Variants in SULT1E1 observed in about 807,000 individuals in gnomAD.
The protein encoded by SULT1E1 is sulfotransferase family 1E member 1, also known as sulfotransferase 1E1.
Under a neutral mutation model 33.6 loss-of-function variants are expected in SULT1E1, and 36 were observed. The ratio of observed to expected loss-of-function variants is 1.07; its 90% CI spans 0.82 to 1.41. SULT1E1 has a LOEUF of 1.41. SULT1E1 is among the 40% of genes most tolerant of loss of function. SULT1E1 has a pLI of 0.00. For synonymous variants in SULT1E1, 121 were observed against 111.7 expected, an observed-to-expected ratio of 1.08 and a Z score of -0.53; for missense variants, 371 against 345.7, an observed-to-expected ratio of 1.07 and a Z score of -0.58.
chr4:69,851,358 C>A (rs1170103482), intron 4 of SULT1E1, among the ~76,000 whole-genome samples: 2 of 152,070 alleles, frequency 1.3e-5, no homozygotes, highest in Non-Finnish European at 1.5e-5. Context: ...ATGCAGCCAA[C>A]AGACACATGA....
chr4:69,829,001 G>C, the SULT1E1 span, among the ~76,000 whole-genome samples: 1 of 152,112 alleles, frequency 6.6e-6, no homozygotes, highest in African/African-American at 2.4e-5. Flanking sequence ...AATCCCTGTG[G>C]GAGTCTTGTC....
At chr4:69,822,862 C>A in the SULT1E1 span, among the ~76,000 whole-genome samples, 3 of 150,852 alleles carry the variant, frequency 2.0e-5, no homozygotes, top group African/African-American at 7.3e-5. Context: ...ATGTATTGCA[C>A]AAATAAAGAA....
chr4:69,826,171 G>C, the SULT1E1 span, among the ~76,000 whole-genome samples: 14 of 152,178 alleles, frequency 9.2e-5, no homozygotes, highest in African/African-American at 3.4e-4. Context: ...TCCAACCCTG[G>C]AGATTCCTTC....
chr4:69,851,322 C>T (rs1353782871), intron 4 of SULT1E1, among the ~76,000 whole-genome samples: 6 of 152,080 alleles, frequency 3.9e-5, no homozygotes, highest in South Asian at 2.1e-4. Flanking sequence ...AGGATATGAA[C>T]AGACACTTCT....
chr4:69,822,499 T>G, the SULT1E1 span, among the ~76,000 whole-genome samples: 1 of 152,254 alleles, frequency 6.6e-6, no homozygotes, highest in Middle Eastern at 3.4e-3. Flanking sequence ...TCCCAGCTAC[T>G]CGGGAGACTG....
downstream of SULT1E1, among the ~76,000 whole-genome samples, chr4:69,840,748 G>C (rs1037254933): frequency 5.9e-5 from 9 of 152,134 alleles, no homozygotes; most frequent in Non-Finnish European, 1.2e-4. Context: ...TCATTTTGTT[G>C]AAAGTAAAAG....
chr4:69,855,367 A>T lies in SULT1E1; in HGVS notation c.205T>A (p.Cys69Ser). 1 of 1,613,274 alleles carries T rather than the reference A, an allele frequency of 6.2e-7. No individual in the cohort carries two copies. The highest frequency in any genetic ancestry group is 1.3e-5 in the African/African-American group (1 of 75,016). Residue 69 changes from cysteine (C) to serine (S), a missense_variant, in exon 3 of 8, where the codon TGC (cysteine) becomes AGC (serine). By Grantham distance (112) the Cys-to-Ser change is moderately radical (BLOSUM62 -1). Transcript: ENST00000226444. The part of the protein sequence containing the change: ...MIYKEGDVEK[C>S]KEDVIFNRIP... Reference sequence around the variant, plus strand: ...CGATTAAAAATTACATCTTCTTTGCACTTTTCCACATCACCCTCTTTATAG... The same window carrying T: ...CGATTAAAAATTACATCTTCTTTGCTCTTTTCCACATCACCCTCTTTATAG...
intron 4 of SULT1E1, 138 bp from the exon 5 acceptor site, chr4:69,849,701 A>G (rs1721063444): frequency 1.4e-6 from 1 of 729,764 alleles, no homozygotes; most frequent in African/African-American, 1.8e-5. Flanking sequence ...AGACATGTAC[A>G]ATTATTTATA....
the SULT1E1 span, among the ~76,000 whole-genome samples, chr4:69,825,763 C>T: frequency 5.3e-5 from 8 of 150,994 alleles, no homozygotes; most frequent in African/African-American, 7.3e-5. Flanking sequence ...AAAGTCATGT[C>T]GCCTAAGTGA....
At chr4:69,822,833 G>C in the SULT1E1 span, among the ~76,000 whole-genome samples, 1 of 152,040 alleles carries the variant, frequency 6.6e-6, no homozygotes. Context: ...TGCTGTACAT[G>C]GGAGATGTTT....
At chr4:69,845,762 G>C (rs919487635) in intron 6 of SULT1E1, among the ~76,000 whole-genome samples, 5 of 151,392 alleles carry the variant, frequency 3.3e-5, no homozygotes, top group Non-Finnish European at 5.9e-5. Context: ...AATGGAGGAA[G>C]AGAGTTGGAG....
At position 69,854,300 on chromosome 4, in the gene SULT1E1, C is replaced by A; in HGVS notation, c.286G>T (p.Asp96Tyr). 3.1e-6 allele frequency: 5 copies of A among 1,606,306 alleles called. No homozygotes were observed. Among genetic ancestry groups the A allele is most frequent in the Non-Finnish European group, 4.3e-6 (5 of 1,175,446 alleles). ...ENLMNGVKQLDEMNSPRIVKT... is the reference protein window; with the variant it reads ...ENLMNGVKQLYEMNSPRIVKT... Reference sequence around the variant, plus strand: ...ACAATTCTAGGAGAATTCATCTCATCTAATTGTTTTACTCCTGATTTTTAA... The same window carrying A: ...ACAATTCTAGGAGAATTCATCTCATATAATTGTTTTACTCCTGATTTTTAA... Residue 96 changes from aspartate (D) to tyrosine (Y), a missense_variant, in exon 4 of 8, where the codon GAT (aspartate) becomes TAT (tyrosine). Coordinates refer to ENST00000226444, the MANE Select transcript of SULT1E1 (RefSeq NM_005420.3).
chr4:69,830,019 G>A, the SULT1E1 span, among the ~76,000 whole-genome samples: 2 of 152,140 alleles, frequency 1.3e-5, no homozygotes, highest in African/African-American at 2.4e-5. Context: ...CTTCCCATAC[G>A]ATGGCCCAGA....
the SULT1E1 span, among the ~76,000 whole-genome samples, chr4:69,828,581 A>T: frequency 6.6e-6 from 1 of 152,212 alleles, no homozygotes; most frequent in Non-Finnish European, 1.5e-5. Flanking sequence ...GAACTGTAAC[A>T]GTCACTGCAA....
At chr4:69,827,702 G>A in the SULT1E1 span, among the ~76,000 whole-genome samples, 21 of 152,086 alleles carry the variant, frequency 1.4e-4, no homozygotes, top group African/African-American at 2.4e-4. Flanking sequence ...TGGCAACCTC[G>A]GTGTTCTATA....
chr4:69,858,557 C>T (rs1721299792), intron 1 of SULT1E1, among the ~76,000 whole-genome samples: 1 of 152,068 alleles, frequency 6.6e-6, no homozygotes, highest in African/African-American at 2.4e-5. Flanking sequence ...ATTAGCCTTT[C>T]TAGATCTTCC....
At position 69,842,013 on chromosome 4, in the gene SULT1E1, T is replaced by G. The variant is rs1457203016; in HGVS notation, c.866A>C (p.Lys289Thr). Reference protein sequence around the residue: ...YEQQMKESTLKFRTEI With the variant: ...YEQQMKESTLTFRTEI ...ACCTTCTTAGATCTCAGTTCGAAAC[T>G]TCAGTGTAGATTCCTTCATTTGCTG... is the stretch of plus-strand genomic sequence containing the variant. Residue 289 changes from lysine (K) to threonine (T), a missense_variant, in exon 8 of 8, where the codon AAG becomes ACG. Lys to Thr is a moderately conservative substitution (Grantham distance 78). Coordinates refer to ENST00000226444, the MANE Select transcript of SULT1E1 (RefSeq NM_005420.3). 4.4e-6 allele frequency: 7 copies of G among 1,606,122 alleles called. No homozygotes were observed. Among genetic ancestry groups the G allele is most frequent in the Middle Eastern group, 1.7e-4 (1 of 6,044 alleles).
In SULT1E1 at chr4:69,857,529, T is replaced by A. The variant is rs1721267406; in HGVS notation, c.116A>T (p.Asp39Val). The A allele has an allele frequency of 1.2e-5, 19 of 1,607,386 alleles. No homozygotes were observed. The highest frequency in any genetic ancestry group is 1.6e-5 in the Non-Finnish European group (19 of 1,178,344). ...NVEAFQARPD[D>V]LVIATYPKSG... is the part of the protein sequence containing the mutation. The stretch of plus-strand genomic sequence containing the variant: ...TTTAGGGTAGGTGGCAATGACAAGA[T>A]CATCTGGTCTTGCCTGGAACGCTTC... Residue 39 changes from aspartate (D) to valine (V), a missense_variant, in exon 2 of 8, where the codon GAT (aspartate) becomes GTT (valine). By Grantham distance (152) the Asp-to-Val change is radical. Transcript: ENST00000226444.
the SULT1E1 span, among the ~76,000 whole-genome samples, chr4:69,827,387 C>G: frequency 6.6e-6 from 1 of 152,254 alleles, no homozygotes; most frequent in South Asian, 2.1e-4. Context: ...CGACTCAGAT[C>G]ATGGGGACTG....
Sources: gnomAD v4.1 joint callset for allele counts (sites outside exome capture counted in the v4.1 genomes callset) on GRCh38, gnomAD v4.1.1 for gene constraint, MANE v1.5 for transcripts, NCBI Gene and HGNC (gene_info 2026-07-23, HGNC 2026-07-21) for gene names.